The following SDCBP variants were observed in gnomAD, a reference collection of about 807,000 sequenced individuals.
The protein encoded by SDCBP is syntenin-1.
In SDCBP, 22 loss-of-function variants were observed where a neutral mutation model predicts 30.5. The observed-to-expected ratio is 0.72, with a 90% confidence interval of 0.52 to 1.03. The LOEUF is 1.03. Ranked by LOEUF, SDCBP falls within the 50% of genes least tolerant of loss-of-function variation. The pLI, the probability that SDCBP is intolerant of heterozygous loss-of-function variation, is 0.00. For synonymous variants in SDCBP, 103 were observed against 118.7 expected, an observed-to-expected ratio of 0.87 and a Z score of 0.86; for missense variants, 304 against 369.9, an observed-to-expected ratio of 0.82 and a Z score of 1.46.
chr8:58,579,078 T>A (rs1478620789), intron 6 of SDCBP, among the ~76,000 whole-genome samples: 1 of 152,198 alleles, frequency 6.6e-6, no homozygotes, highest in Non-Finnish European at 1.5e-5. Context: ...CTTTTAATAA[T>A]AGCTGCATGC....
At chr8:58,554,110 A>G (rs1803970752) in intron 1 of SDCBP, among the ~76,000 whole-genome samples, 2 of 152,194 alleles carry the variant, frequency 1.3e-5, no homozygotes, top group South Asian at 4.1e-4. Flanking sequence ...CCATTTTTGA[A>G]AGGAGTTTGT....
chr8:58,582,319 T>C lies in SDCBP; in HGVS notation c.*579T>C, dbSNP rs1490850133. On this transcript the variant is annotated 3_prime_UTR_variant, in exon 9 of 9. Transcript: ENST00000260130. ...AAATTTTAACTACCTTCACTTAATA[T>C]GCTTGAACTGTCGCCTTAACTATGT... The C allele has an allele frequency of 6.5e-6, 1 of 152,774 alleles. No homozygotes were observed. The highest frequency in any genetic ancestry group is 2.4e-5 in the African/African-American group (1 of 41,460). The allele number at this position is 152,774 out of a possible 1,614,324, so 9.5% of individuals were successfully genotyped here.
chr8:58,572,136 C>T, intron 3 of SDCBP, 69 bp from the exon 4 acceptor site: 2 of 879,212 alleles, frequency 2.3e-6, no homozygotes, highest in Non-Finnish European at 1.8e-6. Flanking sequence ...ACGCAGAAGC[C>T]CATAATGAGA....
chr8:58,563,226 C>T (rs761099838), intron 1 of SDCBP, among the ~76,000 whole-genome samples: 5 of 152,112 alleles, frequency 3.3e-5, no homozygotes, highest in Non-Finnish European at 5.9e-5. Flanking sequence ...ATGTGGTATA[C>T]ATACAATGGA....
At chr8:58,577,117 T>C (rs992518802) in intron 5 of SDCBP, among the ~76,000 whole-genome samples, 1 of 152,258 alleles carries the variant, frequency 6.6e-6, no homozygotes, top group South Asian at 2.1e-4. Context: ...ATACTTTTCA[T>C]AGGCCCCTTG....
At chr8:58,568,257 G>A (rs954780981) in intron 2 of SDCBP, among the ~76,000 whole-genome samples, 2 of 151,542 alleles carry the variant, frequency 1.3e-5, no homozygotes, top group African/African-American at 4.8e-5. Context: ...TTTAAAAATC[G>A]CTTGTAAGTT....
chr8:58,558,320 C>T (rs1804261981), intron 1 of SDCBP, among the ~76,000 whole-genome samples: 1 of 152,156 alleles, frequency 6.6e-6, no homozygotes, highest in South Asian at 2.1e-4. Context: ...TCAGTCTGTC[C>T]ACCCAGGTTA....
At chr8:58,578,756 C>G (rs935002702) in intron 6 of SDCBP, among the ~76,000 whole-genome samples, 2 of 152,182 alleles carry the variant, frequency 1.3e-5, no homozygotes, top group African/African-American at 4.8e-5. Flanking sequence ...TAAGGGTAGA[C>G]GTATATTGCA....
Position 58,575,986 on chromosome 8 carries a change from G to A in SDCBP, c.327G>A (p.Lys109=). The A allele has an allele frequency of 5.0e-6, 8 of 1,613,644 alleles. No individual in the cohort carries two copies. The highest frequency in any genetic ancestry group is 6.8e-6 in the Non-Finnish European group (8 of 1,179,692). Residue 109 remains lysine (K), a synonymous_variant, in exon 5 of 9, where the codon AAG becomes AAA. Transcript: ENST00000260130. ...NDVGIRRAEI[K]QGIREVILCK... ...TTGGAATTCGTAGAGCAGAAATTAA[G>A]CAAGGGATTCGTGAAGTCATTTTGT...
Position 58,572,233 on chromosome 8 carries a change from C to G in SDCBP, c.159C>G (p.Leu53=), listed in dbSNP as rs748354337. ...GNLYPRLYPE[L]SQYMGLSLNE... ...TCTATCCCAGACTGTATCCAGAGCT[C>G]TCTCAATACATGGGGCTGAGTTTAA... The change falls in exon 4 of 9, where the codon CTC becomes CTG. Residue 53 remains leucine, a synonymous_variant. Transcript: ENST00000260130. 1.2e-6 allele frequency: 2 copies of G among 1,610,984 alleles called. No individual in the cohort carries two copies. The highest frequency in any genetic ancestry group is 1.7e-6 in the Non-Finnish European group (2 of 1,178,796).
At chr8:58,571,032 G>A in intron 3 of SDCBP, 67 bp downstream of exon 3, 3 of 1,219,298 alleles carry the variant, frequency 2.5e-6, no homozygotes, top group Non-Finnish European at 3.5e-6. Flanking sequence ...GCTCATATAA[G>A]GAATCCAAGA....
chr8:58,578,280 G>T (rs1805462590), intron 6 of SDCBP, 72 bp downstream of exon 6: 1 of 1,141,808 alleles, frequency 8.8e-7, no homozygotes, highest in Admixed American at 2.7e-5. Flanking sequence ...TTCAGAGTTT[G>T]TGAGTATATT....
At chr8:58,580,692 C>A in intron 8 of SDCBP, 84 bp downstream of exon 8, 1 of 756,908 alleles carries the variant, frequency 1.3e-6, no homozygotes, top group Non-Finnish European at 2.3e-6. Flanking sequence ...CCCTTTGGTT[C>A]TTTTACCCAA....
chr8:58,570,329 G>A (rs1333746238), intron 2 of SDCBP, among the ~76,000 whole-genome samples: 1 of 152,106 alleles, frequency 6.6e-6, no homozygotes, highest in East Asian at 1.9e-4. Flanking sequence ...ATCGATTTAT[G>A]TCAGTGATAA....
intron 1 of SDCBP, among the ~76,000 whole-genome samples, chr8:58,555,328 T>C (rs1044918513): frequency 6.6e-6 from 1 of 152,184 alleles, no homozygotes; most frequent in African/African-American, 2.4e-5. Context: ...TGTATGGTAA[T>C]TGTACTAGTT....
chr8:58,564,812 TA>T (rs1191269064), intron 1 of SDCBP, among the ~76,000 whole-genome samples: 5 of 152,152 alleles, frequency 3.3e-5, no homozygotes, highest in Admixed American at 3.3e-4. Flanking sequence ...ATAATACTAT[TA>T]GGGGAAGGAG....
intron 8 of SDCBP, 112 bp from the exon 9 acceptor site, chr8:58,581,574 A>G (rs777012850): frequency 6.5e-6 from 5 of 764,050 alleles, no homozygotes; most frequent in Non-Finnish European, 1.2e-5. Flanking sequence ...CTCCATTCAT[A>G]TTTGATGCTA....
At chr8:58,554,667 T>G (rs1432292517) in intron 1 of SDCBP, among the ~76,000 whole-genome samples, 1 of 152,210 alleles carries the variant, frequency 6.6e-6, no homozygotes, top group Non-Finnish European at 1.5e-5. Context: ...ATGTACTGTT[T>G]AATTAAAGAG....
chr8:58,563,016 TAG>T (rs1236057659), intron 1 of SDCBP, among the ~76,000 whole-genome samples: 1 of 152,176 alleles, frequency 6.6e-6, no homozygotes, highest in Non-Finnish European at 1.5e-5. Context: ...GGGATGGTAT[TAG>T]AGTTACCATA....
Sources: gnomAD v4.1 joint callset for allele counts (sites outside exome capture counted in the v4.1 genomes callset) on GRCh38, gnomAD v4.1.1 for gene constraint, MANE v1.5 for transcripts, NCBI Gene and HGNC (gene_info 2026-07-23, HGNC 2026-07-21) for gene names.